Variants in SEMA3A observed in about 807,000 individuals in gnomAD.
SEMA3A encodes semaphorin 3A.
SEMA3A carries 29 observed loss-of-function variants against 97.9 expected under a neutral mutation model. The ratio of observed to expected loss-of-function variants is 0.30; its 90% CI spans 0.22 to 0.40. SEMA3A has a LOEUF of 0.40. Among genes scored for constraint, SEMA3A ranks in the 10% least tolerant of loss-of-function variants. SEMA3A has a pLI of 1.00. For synonymous variants in SEMA3A, 321 were observed against 323.7 expected (o/e 0.99, Z 0.09); for missense variants, 763 against 951.3 (o/e 0.80, Z 2.60).
intron 3 of SEMA3A, among the ~76,000 whole-genome samples, chr7:84,257,061 C>A (rs1303325401): frequency 6.6e-6 from 1 of 151,946 alleles, no homozygotes; most frequent in Non-Finnish European, 1.5e-5. Flanking sequence ...TGCCAAAAAT[C>A]ATTTGGAGAA....
intron 2 of SEMA3A, among the ~76,000 whole-genome samples, chr7:84,323,476 C>G (rs930915136): frequency 6.6e-6 from 1 of 152,056 alleles, no homozygotes; most frequent in Non-Finnish European, 1.5e-5. Flanking sequence ...AAAGAAAACA[C>G]TTCTCTGATG....
In SEMA3A at chr7:83,961,430, T is replaced by G. The variant is rs767122031; in HGVS notation, c.2257A>C (p.Asn753His). ...GTCCTCCTGTTTCTACCTTTCTTAT[T>G]TTCTTGTAAGTGCTTCCATTTGTTA... ...NSNKWKHLQE[N>H]KKGRNRRTHE... The change falls in exon 17 of 17, where the codon AAT becomes CAT. Residue 753 changes from asparagine (N) to histidine (H), a missense_variant. Physicochemically the swap from Asn to His is moderately conservative, Grantham distance 68. Around this residue, in one of 2 missense-constraint regions of SEMA3A, gnomAD observed 678 missense variants for 881.3 expected, o/e 0.77. Coordinates refer to ENST00000265362, the MANE Select transcript of SEMA3A (RefSeq NM_006080.3). 1.9e-6 allele frequency: 3 copies of G among 1,613,978 alleles called. No individual in the cohort carries two copies. The highest frequency in any genetic ancestry group is 1.7e-6 in the Non-Finnish European group (2 of 1,179,974).
At chr7:84,439,564 C>T (rs1188114420) in intron 1 of SEMA3A, among the ~76,000 whole-genome samples, 2 of 152,096 alleles carry the variant, frequency 1.3e-5, no homozygotes, top group Non-Finnish European at 2.9e-5. Flanking sequence ...GATATTAAAA[C>T]AAATCCATAT....
chr7:84,354,581 T>C (rs1802512652), intron 2 of SEMA3A, among the ~76,000 whole-genome samples: 1 of 151,670 alleles, frequency 6.6e-6, no homozygotes, highest in Admixed American at 6.6e-5. Context: ...TTATGTTAAG[T>C]CATATGCACA....
At chr7:84,107,728 G>A (rs1243390849) in intron 4 of SEMA3A, among the ~76,000 whole-genome samples, 2 of 152,158 alleles carry the variant, frequency 1.3e-5, no homozygotes, top group African/African-American at 4.8e-5. Context: ...ATGAGTGGAA[G>A]AGGAACTAGA....
At chr7:84,148,871 A>G (rs1424335212) in intron 1 of SEMA3A, among the ~76,000 whole-genome samples, 1 of 152,172 alleles carries the variant, frequency 6.6e-6, no homozygotes, top group East Asian at 1.9e-4. Context: ...TCCTTTCTCT[A>G]GCTTACTTCA....
chr7:84,385,450 C>A (rs1171180859), intron 1 of SEMA3A, among the ~76,000 whole-genome samples: 1 of 152,170 alleles, frequency 6.6e-6, no homozygotes, highest in African/African-American at 2.4e-5. Context: ...AAATCTGTAA[C>A]AATCTTTTGT....
chr7:83,977,788 C>CTTTTTTTT (rs139682272), intron 14 of SEMA3A, among the ~76,000 whole-genome samples: 2 of 141,078 alleles, frequency 1.4e-5, no homozygotes, highest in African/African-American at 2.6e-5. Context: ...TCAACCTATC[C>CTTTTTTTT]TTTTTTTTTT....
At chr7:84,258,431 G>A (rs1799765229) in intron 3 of SEMA3A, among the ~76,000 whole-genome samples, 1 of 152,112 alleles carries the variant, frequency 6.6e-6, no homozygotes, top group African/African-American at 2.4e-5. Flanking sequence ...AAGAGAAAAT[G>A]TGACATAGTA....
chr7:84,002,133 C>T, intron 11 of SEMA3A, 87 bp from the exon 12 acceptor site: 2 of 718,934 alleles, frequency 2.8e-6, no homozygotes, highest in Non-Finnish European at 4.6e-6. Flanking sequence ...ATTTGTCAGA[C>T]AAAGAACCTT....
chr7:84,183,429 G>A (rs1355448976), intron 1 of SEMA3A, among the ~76,000 whole-genome samples: 6 of 151,728 alleles, frequency 4.0e-5, no homozygotes, highest in African/African-American at 1.5e-4. Context: ...TAATAACAAT[G>A]CATATTATCA....
At chr7:84,064,167 C>A (rs1443194583) in intron 4 of SEMA3A, among the ~76,000 whole-genome samples, 1 of 151,560 alleles carries the variant, frequency 6.6e-6, no homozygotes, top group East Asian at 1.9e-4. Flanking sequence ...TCCATCCAAA[C>A]TAAGCTTCAT....
At chr7:84,348,858 C>T (rs1802369937) in intron 2 of SEMA3A, among the ~76,000 whole-genome samples, 1 of 152,112 alleles carries the variant, frequency 6.6e-6, no homozygotes, top group Non-Finnish European at 1.5e-5. Context: ...GTGGCAGGTG[C>T]CTGTGATCCC....
chr7:84,348,983 CA>C (rs1334304215), intron 2 of SEMA3A, among the ~76,000 whole-genome samples: 2 of 150,572 alleles, frequency 1.3e-5, no homozygotes, highest in Admixed American at 6.6e-5. Flanking sequence ...GACTCCATCT[CA>C]AAAAAAAAGT....
intron 3 of SEMA3A, among the ~76,000 whole-genome samples, chr7:84,229,432 A>T (rs1238771340): frequency 6.6e-6 from 1 of 152,126 alleles, no homozygotes; most frequent in Non-Finnish European, 1.5e-5. Flanking sequence ...TTTCATTATC[A>T]ATCTATTTAA....
chr7:84,080,353 A>C (rs1295615396), intron 4 of SEMA3A, among the ~76,000 whole-genome samples: 1 of 151,970 alleles, frequency 6.6e-6, no homozygotes, highest in Non-Finnish European at 1.5e-5. Context: ...AAAGTATAAT[A>C]ATAACAAGAA....
At chr7:84,367,789 T>C (rs1317918921) in intron 2 of SEMA3A, among the ~76,000 whole-genome samples, 1 of 151,066 alleles carries the variant, frequency 6.6e-6, no homozygotes, top group African/African-American at 2.4e-5. Context: ...AATGAAACTA[T>C]GAAAAAAATC....
intron 2 of SEMA3A, among the ~76,000 whole-genome samples, chr7:84,359,723 C>T (rs911210572): frequency 1.3e-5 from 2 of 152,092 alleles, no homozygotes; most frequent in African/African-American, 4.8e-5. Flanking sequence ...GGAGGAGCTC[C>T]TCCTTGTACC....
chr7:84,270,149 A>T (rs1165364531), intron 3 of SEMA3A, among the ~76,000 whole-genome samples: 5 of 152,118 alleles, frequency 3.3e-5, no homozygotes, highest in Non-Finnish European at 7.4e-5. Flanking sequence ...CTAATCTGGT[A>T]GGCCATGAGA....
Sources: gnomAD v4.1 joint callset for allele counts (sites outside exome capture counted in the v4.1 genomes callset) on GRCh38, gnomAD v4.1.1 for gene constraint, gnomAD v4.1.1 regional missense constraint, MANE v1.5 for transcripts, NCBI Gene and HGNC (gene_info 2026-07-23, HGNC 2026-07-21) for gene names.